Variants in LRRC4C observed in about 807,000 individuals in gnomAD.
The protein encoded by LRRC4C is leucine rich repeat containing 4C.
LRRC4C carries 5 observed loss-of-function variants against 33.6 expected under a neutral mutation model. The observed-to-expected ratio is 0.15, with a 90% confidence interval of 0.08 to 0.31. The LOEUF (loss-of-function observed/expected upper bound fraction) is 0.31. LRRC4C is among the 10% of genes least tolerant of loss of function. The pLI is 1.00. For missense variants in LRRC4C, 560 were observed against 796.7 expected (o/e 0.70, Z 3.58); for synonymous variants, 329 against 302.0 (o/e 1.09, Z -0.93).
At chr11:40,762,995 A>C (rs1591652294) in intron 2 of LRRC4C, among the ~76,000 whole-genome samples, 1 of 151,264 alleles carries the variant, frequency 6.6e-6, no homozygotes, top group African/African-American at 2.4e-5. Flanking sequence ...TGGCTCAAAA[A>C]TAAGAAAAGA....
intron 2 of LRRC4C, among the ~76,000 whole-genome samples, chr11:40,697,807 C>G: frequency 6.6e-6 from 1 of 152,132 alleles, no homozygotes; most frequent in Admixed American, 6.5e-5. Context: ...CCATGGCTCA[C>G]ACCTGTAATC....
intron 3 of LRRC4C, among the ~76,000 whole-genome samples, chr11:40,430,841 G>A (rs558376036): frequency 9.0e-4 from 133 of 148,122 alleles, no homozygotes; most frequent in African/African-American, 3.1e-3. Context: ...GTAAACTATC[G>A]CAAGAACAAA....
intron 1 of LRRC4C, among the ~76,000 whole-genome samples, chr11:41,197,972 C>T (rs575473065): frequency 1.6e-4 from 25 of 151,984 alleles, no homozygotes; most frequent in African/African-American, 5.8e-4. Flanking sequence ...GTTGTTATCA[C>T]CATCACCATC....
chr11:41,304,210 G>A (rs1450488611), intron 1 of LRRC4C, among the ~76,000 whole-genome samples: 2 of 120,686 alleles, frequency 1.7e-5, no homozygotes, highest in Non-Finnish European at 3.7e-5. Flanking sequence ...CGCCCCGTCC[G>A]GGAGGGAGGT....
intron 3 of LRRC4C, among the ~76,000 whole-genome samples, chr11:40,506,042 A>G (rs1955019091): frequency 6.6e-6 from 1 of 152,188 alleles, no homozygotes; most frequent in Admixed American, 6.6e-5. Flanking sequence ...ACAGACTTAC[A>G]GTGAACTTTC....
At chr11:40,223,497 C>T (rs1864564996) in intron 5 of LRRC4C, among the ~76,000 whole-genome samples, 1 of 152,194 alleles carries the variant, frequency 6.6e-6, no homozygotes, top group Non-Finnish European at 1.5e-5. Context: ...GATAAAAAGA[C>T]ACTGCAGAAC....
intron 3 of LRRC4C, among the ~76,000 whole-genome samples, chr11:40,473,967 G>A (rs1309043790): frequency 1.3e-5 from 2 of 152,014 alleles, no homozygotes; most frequent in Admixed American, 6.6e-5. Context: ...ACAAACAAAC[G>A]GAAAAACGTT....
intron 3 of LRRC4C, among the ~76,000 whole-genome samples, chr11:40,605,847 T>C (rs751981908): frequency 8.5e-5 from 13 of 152,182 alleles, no homozygotes; most frequent in Non-Finnish European, 1.6e-4. Context: ...AACTCCCAGA[T>C]GCTTTCATGG....
intron 2 of LRRC4C, among the ~76,000 whole-genome samples, chr11:40,882,302 C>T (rs941043995): frequency 6.6e-6 from 1 of 151,744 alleles, no homozygotes; most frequent in Non-Finnish European, 1.5e-5. Flanking sequence ...ACTGTATTAC[C>T]GAAACTTCGA....
intron 1 of LRRC4C, among the ~76,000 whole-genome samples, chr11:41,077,254 G>T (rs752547051): frequency 1.1e-4 from 16 of 152,194 alleles, no homozygotes; most frequent in Non-Finnish European, 1.9e-4. Flanking sequence ...AGTAGGCAGT[G>T]CCTTAGTGGA....
At chr11:40,477,840 C>T (rs541782251) in intron 3 of LRRC4C, among the ~76,000 whole-genome samples, 4 of 152,248 alleles carry the variant, frequency 2.6e-5, no homozygotes, top group African/African-American at 9.6e-5. Context: ...TGTCCCCACC[C>T]AAATCTCATC....
chr11:40,848,065 C>G (rs947422426), intron 2 of LRRC4C, among the ~76,000 whole-genome samples: 1 of 117,696 alleles, frequency 8.5e-6, no homozygotes, highest in African/African-American at 2.6e-5. Context: ...ATTATTCTGG[C>G]TAGTGGTCTA....
At chr11:41,111,096 T>C (rs1204820960) in intron 1 of LRRC4C, among the ~76,000 whole-genome samples, 1 of 152,086 alleles carries the variant, frequency 6.6e-6, no homozygotes, top group East Asian at 1.9e-4. Context: ...TGTAAGCCAC[T>C]AATAGATGAG....
At chr11:40,460,584 C>A (rs2138180949) in intron 3 of LRRC4C, among the ~76,000 whole-genome samples, 1 of 152,222 alleles carries the variant, frequency 6.6e-6, no homozygotes, top group Admixed American at 6.5e-5. Context: ...TTTTTCAGTT[C>A]ACAGTAATGC....
chr11:41,234,257 A>G (rs1947926628), intron 1 of LRRC4C, among the ~76,000 whole-genome samples: 1 of 152,030 alleles, frequency 6.6e-6, no homozygotes, highest in Non-Finnish European at 1.5e-5. Context: ...GAAATTGTGT[A>G]TATTTATCAT....
In LRRC4C at chr11:40,643,193, C is replaced by G. The variant is rs531576142; in HGVS notation, c.-270+4949G>C. Among the ~76,000 whole-genome samples, 25 of 152,116 alleles carry G rather than the reference C, an allele frequency of 1.6e-4. 1 individual carries two copies. The highest frequency in any genetic ancestry group is 1.1e-3 in the Admixed American group (17 of 15,282). ...AGGTACATATATATACACACACACA[C>G]AGAGAAAAAACATTTGACTCTTTCT... is the stretch of plus-strand genomic sequence containing the variant. On this transcript the variant is annotated intron_variant, in intron 3 of 6. Transcript: ENST00000528697.
chr11:40,687,498 C>T (rs181673976), intron 2 of LRRC4C, among the ~76,000 whole-genome samples: 15 of 152,034 alleles, frequency 9.9e-5, no homozygotes, highest in South Asian at 4.2e-4. Flanking sequence ...TGATATTCAG[C>T]GCAGTAATAA....
At chr11:41,073,235 C>T (rs1435383091) in intron 1 of LRRC4C, among the ~76,000 whole-genome samples, 1 of 152,064 alleles carries the variant, frequency 6.6e-6, no homozygotes, top group Non-Finnish European at 1.5e-5. Flanking sequence ...TGGTGAGGGC[C>T]TCAGGATGCT....
chr11:40,390,915 T>G (rs918400311), intron 3 of LRRC4C, among the ~76,000 whole-genome samples: 1 of 152,158 alleles, frequency 6.6e-6, no homozygotes, highest in Non-Finnish European at 1.5e-5. Context: ...AGAGTGTTGC[T>G]CTGTCACCCA....
Sources: gnomAD v4.1 joint callset for allele counts (sites outside exome capture counted in the v4.1 genomes callset) on GRCh38, gnomAD v4.1.1 for gene constraint, MANE v1.5 for transcripts, NCBI Gene and HGNC (gene_info 2026-07-23, HGNC 2026-07-21) for gene names.